LYZL6: variants seen among roughly 807,000 people sequenced by gnomAD.
The protein encoded by LYZL6 is lysozyme-like protein 6.
Under a neutral mutation model 15.0 loss-of-function variants are expected in LYZL6, and 21 were observed. That is an observed-to-expected ratio of 1.40 (90% CI 1.00 to 2.02). The LOEUF (loss-of-function observed/expected upper bound fraction) is 2.02, where lower values mean the gene tolerates loss of function less well. LYZL6 is among the 30% of genes most tolerant of loss of function. The pLI, the probability that LYZL6 is intolerant of heterozygous loss-of-function variation, is 0.00. For missense variants in LYZL6, 173 were observed against 180.5 expected (o/e 0.96, Z 0.24); for synonymous variants, 72 against 67.8 (o/e 1.06, Z -0.31).
At chr17:35,939,126 G>C (rs2089403152) in intron 2 of LYZL6, 92 bp downstream of exon 2, 1 of 1,457,028 alleles carries the variant, frequency 6.9e-7, no homozygotes, top group Admixed American at 2.1e-5. Context: ...TTTGAACTTG[G>C]CTTTGAAAGA....
At chr17:35,939,855 G>C (rs2089411559) in intron 1 of LYZL6, among the ~76,000 whole-genome samples, 2 of 152,068 alleles carry the variant, frequency 1.3e-5, no homozygotes, top group Admixed American at 6.6e-5. Flanking sequence ...GTAGTATTTG[G>C]GTATTGGGAT....
Position 35,939,403 on chromosome 17 carries a change from C to A in LYZL6, c.-47G>T. 6.3e-7 allele frequency: 1 copy of A among 1,581,948 alleles called. No homozygotes were observed. The highest frequency in any genetic ancestry group is 8.6e-7 in the Non-Finnish European group (1 of 1,158,290). On this transcript the variant is annotated 5_prime_UTR_variant, in exon 2 of 5. Coordinates refer to ENST00000615905, the MANE Select transcript of LYZL6 (RefSeq NM_020426.4). The stretch of plus-strand genomic sequence containing the variant: ...GCTGAGGGCTGATGGTTCTTAGGGT[C>A]TTGCAGACTTTCTGCTGATCTTCTC...
At chr17:35,942,362 G>T (rs1180184703) in intron 1 of LYZL6, among the ~76,000 whole-genome samples, 1 of 152,186 alleles carries the variant, frequency 6.6e-6, no homozygotes, top group Admixed American at 6.5e-5. Flanking sequence ...CTGAGGGAAG[G>T]TGTGTTTTTC....
At chr17:35,938,612 T>C (rs1326789471) in intron 2 of LYZL6, among the ~76,000 whole-genome samples, 1 of 143,472 alleles carries the variant, frequency 7.0e-6, no homozygotes, top group Non-Finnish European at 1.5e-5. Context: ...AGCGAGACTC[T>C]GTCTAAAAAA....
chr17:35,937,745 G>A lies in LYZL6; in HGVS notation c.298+13C>T. ...CTGCTCTCATCTCTCCCACCCTGGG[G>A]CCCTGGCCAGACCTTGACAGTCTAC... On this transcript the variant is annotated intron_variant, in intron 3 of 4. Transcript: ENST00000615905. 1 of 1,612,986 alleles carries A rather than the reference G, an allele frequency of 6.2e-7. No homozygotes were observed. The highest frequency in any genetic ancestry group is 1.1e-5 in the South Asian group (1 of 90,936).
In LYZL6 at chr17:35,937,042, C is replaced by T. The variant is rs117359611; in HGVS notation, c.299-209G>A. Among the ~76,000 whole-genome samples the T allele has an allele frequency of 9.7e-3, 1,474 of 152,298 alleles. 14 individuals are homozygous for T. The highest frequency in any genetic ancestry group is 0.031 in the South Asian group (149 of 4,826). On this transcript the variant is annotated intron_variant, in intron 3 of 4. Coordinates refer to ENST00000615905, the MANE Select transcript of LYZL6 (RefSeq NM_020426.4). Reference sequence around the variant, plus strand: ...GGTGTGGGCAGAAGGGGCAAGAGGCCTGAGATTTGGGCCTGTTCACTACTA... The same window carrying T: ...GGTGTGGGCAGAAGGGGCAAGAGGCTTGAGATTTGGGCCTGTTCACTACTA...
intron 2 of LYZL6, 32 bp from the exon 3 acceptor site, chr17:35,937,948 G>A (rs865859262): frequency 6.2e-7 from 1 of 1,605,910 alleles, no homozygotes; most frequent in South Asian, 1.1e-5. Flanking sequence ...TCAGGATTTA[G>A]AGGGGACCAA....
At chr17:35,940,981 A>T (rs1208806893) in intron 1 of LYZL6, among the ~76,000 whole-genome samples, 1 of 152,226 alleles carries the variant, frequency 6.6e-6, no homozygotes, top group East Asian at 1.9e-4. Flanking sequence ...GAACATTAAC[A>T]TACTAGTTTT....
At chr17:35,942,690 G>A (rs1598711026) in intron 1 of LYZL6, among the ~76,000 whole-genome samples, 2 of 152,162 alleles carry the variant, frequency 1.3e-5, no homozygotes, top group South Asian at 4.1e-4. Flanking sequence ...ACAGATAAGA[G>A]CTCAGGCACA....
At chr17:35,937,028 A>G (rs1185413402) in intron 3 of LYZL6, among the ~76,000 whole-genome samples, 195 bp from the exon 4 acceptor site, 1 of 152,200 alleles carries the variant, frequency 6.6e-6, no homozygotes, top group African/African-American at 2.4e-5. Context: ...GTGTGGGCAG[A>G]AGGGGCAAGA....
chr17:35,936,299 C>T (rs574760077), intron 4 of LYZL6, among the ~76,000 whole-genome samples: 1 of 152,326 alleles, frequency 6.6e-6, no homozygotes, highest in African/African-American at 2.4e-5. Flanking sequence ...TAGCCAGTCC[C>T]TATGGTTGCT....
rs770182182 is a variant in LYZL6, at chr17:35,937,789, G to T, written c.267C>A (p.Tyr89Ter). 7 of 1,614,042 alleles carry T rather than the reference G, an allele frequency of 4.3e-6. No homozygotes were observed. The South Asian group carries it at 7.7e-5, about 18-fold the overall frequency. The change falls in exon 3 of 5, where the codon TAC becomes TAA. Residue 89 changes from tyrosine to a stop codon, truncating the protein, a stop_gained. Coordinates refer to ENST00000615905, the MANE Select transcript of LYZL6 (RefSeq NM_020426.4). LOFTEE classifies it high-confidence loss of function. The stretch of plus-strand genomic sequence containing the variant: ...AGTCTACGTGGCAAAGGTTTTCCGA[G>T]TAACTCTTATAATCGTTGCACCAGT... Reference protein sequence around the residue: ...SHYWCNDYKSYSENLCHVDCQ... With the variant: ...SHYWCNDYKS
intron 3 of LYZL6, among the ~76,000 whole-genome samples, 185 bp from the exon 4 acceptor site, chr17:35,937,018 G>C (rs1168806418): frequency 6.6e-6 from 1 of 152,226 alleles, no homozygotes; most frequent in African/African-American, 2.4e-5. Context: ...GTGAAAGGGG[G>C]TGTGGGCAGA....
chr17:35,938,295 GTATGTACAAGCTTAAAAA>G (rs1482729794), intron 2 of LYZL6, among the ~76,000 whole-genome samples: 29 of 152,266 alleles, frequency 1.9e-4, no homozygotes, highest in South Asian at 1.5e-3. Context: ...TAATAAGCTT[GTATGTACAAGCTTAAAAA>G]TATGTACAAG....
intron 2 of LYZL6, 109 bp downstream of exon 2, chr17:35,939,101 TGAAGGGGG>T: frequency 7.9e-7 from 1 of 1,272,888 alleles, no homozygotes; most frequent in Non-Finnish European, 1.1e-6. Context: ...AAGGCTTTTT[TGAAGGGGG>T]CTGCTTTTTG....
intron 2 of LYZL6, 81 bp downstream of exon 2, chr17:35,939,137 T>C: frequency 6.7e-7 from 1 of 1,495,044 alleles, no homozygotes; most frequent in Non-Finnish European, 9.0e-7. Context: ...CTTTGAAAGA[T>C]GAACAGGAGA....
At chr17:35,939,146 G>A in intron 2 of LYZL6, 72 bp downstream of exon 2, 1 of 1,529,094 alleles carries the variant, frequency 6.5e-7, no homozygotes, top group Non-Finnish European at 8.9e-7. Flanking sequence ...ATGAACAGGA[G>A]AGAAAGAAGC....
intron 4 of LYZL6, among the ~76,000 whole-genome samples, chr17:35,935,853 G>T (rs1277328298): frequency 7.4e-6 from 1 of 135,378 alleles, no homozygotes; most frequent in Non-Finnish European, 1.6e-5. Context: ...TCATTCTGCC[G>T]CCCAGGCTGG....
At position 35,936,822 on chromosome 17, in the gene LYZL6, G is replaced by T; in HGVS notation, c.310C>A (p.Pro104Thr). 6.2e-7 allele frequency: 1 copy of T among 1,613,698 alleles called. No homozygotes were observed. Among genetic ancestry groups the T allele is most frequent in the Non-Finnish European group, 8.5e-7 (1 of 1,179,970 alleles). The change falls in exon 4 of 5, where the codon CCC becomes ACC. Residue 104 changes from proline (P) to threonine (T), a missense_variant. Pro to Thr is a conservative substitution (Grantham distance 38). Coordinates refer to ENST00000615905, the MANE Select transcript of LYZL6 (RefSeq NM_020426.4). ...CHVDCQDLLN[P>T]NLLAGIHCAK... ...CAGTGGATGCCTGCAAGAAGGTTGG[G>T]ATTCAGCAGATCTGAAAGGGAGGAA...
Sources: gnomAD v4.1 joint callset for allele counts (sites outside exome capture counted in the v4.1 genomes callset) on GRCh38, gnomAD v4.1.1 for gene constraint, MANE v1.5 for transcripts, NCBI Gene and HGNC (gene_info 2026-07-23, HGNC 2026-07-21) for gene names.